Variants in ZP3 observed in about 807,000 individuals in gnomAD.
The protein encoded by ZP3 is zona pellucida sperm-binding protein 3.
ZP3 carries 21 observed loss-of-function variants against 35.6 expected under a neutral mutation model. That is an observed-to-expected ratio of 0.59 (90% CI 0.42 to 0.85). The LOEUF is 0.85. ZP3 is among the 40% of genes least tolerant of loss of function. The pLI is 0.00. For missense variants in ZP3, 437 were observed against 536.5 expected, an observed-to-expected ratio of 0.81 and a Z score of 1.83; for synonymous variants, 207 against 214.5, an observed-to-expected ratio of 0.96 and a Z score of 0.31.
At chr7:76,424,503 C>A (rs1030274689), upstream of ZP3, among the ~76,000 whole-genome samples, 3 of 152,150 alleles carry the variant, frequency 2.0e-5, no homozygotes, top group Non-Finnish European at 4.4e-5. Context: ...GTGGCGCATG[C>A]CTTCCTGTAA....
chr7:76,412,320 C>T (rs1485610610), intron 1 of ZP3, among the ~76,000 whole-genome samples: 3 of 152,022 alleles, frequency 2.0e-5, no homozygotes, highest in South Asian at 4.2e-4. Flanking sequence ...TGTATGATTC[C>T]GTTTATAAAA....
intron 5 of ZP3, among the ~76,000 whole-genome samples, chr7:76,437,470 C>CT (rs71521129): frequency 0.031 from 4,193 of 134,636 alleles, 2 homozygotes; most frequent in African/African-American, 0.033. Context: ...ACACTCCCCT[C>CT]TTTTTTTTTT....
chr7:76,432,839 T>A, intron 2 of ZP3, 88 bp from the exon 3 acceptor site: 1 of 1,115,436 alleles, frequency 9.0e-7, no homozygotes, highest in Non-Finnish European at 1.3e-6. Flanking sequence ...GACCCTGTAG[T>A]GGGGTAGCAG....
intron 5 of ZP3, among the ~76,000 whole-genome samples, chr7:76,438,072 C>G (rs1806078264): frequency 6.6e-6 from 1 of 152,254 alleles, no homozygotes; most frequent in Non-Finnish European, 1.5e-5. Context: ...GTGACTGAGG[C>G]TTGTGGCTCT....
intron 5 of ZP3, among the ~76,000 whole-genome samples, chr7:76,435,906 A>G (rs2115928397): frequency 6.6e-6 from 1 of 152,044 alleles, no homozygotes; most frequent in East Asian, 1.9e-4. Context: ...TGTATTTCTT[A>G]GTAGAGACAG....
chr7:76,433,421 C>T, intron 3 of ZP3, 49 bp from the exon 4 acceptor site: 3 of 1,577,246 alleles, frequency 1.9e-6, no homozygotes, highest in Non-Finnish European at 2.6e-6. Flanking sequence ...TCCCAAGGTG[C>T]TGGGATTACA....
In ZP3 at chr7:76,425,209, T is replaced by A. The variant is rs745345934; in HGVS notation, c.245T>A (p.Val82Asp). The change falls in exon 1 of 8, where the codon GTC becomes GAC. Residue 82 changes from valine to aspartate, a missense_variant. Physicochemically the swap from Val to Asp is radical, Grantham distance 152. Transcript: ENST00000394857. ...GGCCCAGAGGCCTGTGAGCCTCTGG[T>A]CTCCATGGACACAGAAGATGTGGTC... ...TLGPEACEPLVSMDTEDVVRF... is the reference protein window; with the variant it reads ...TLGPEACEPLDSMDTEDVVRF... 2.5e-6 allele frequency: 4 copies of A among 1,613,870 alleles called. No individual in the cohort carries two copies. The Admixed American group carries it at 6.7e-5, about 27-fold the overall frequency.
At chr7:76,398,697 G>C (rs1440264159) in intron 1 of ZP3, 1 of 1,611,296 alleles carries the variant, frequency 6.2e-7, no homozygotes, top group Non-Finnish European at 8.5e-7. Context: ...AACCCAGGTG[G>C]TGCCCACATT....
chr7:76,411,096 C>T (rs1805232467), intron 1 of ZP3, among the ~76,000 whole-genome samples: 1 of 152,084 alleles, frequency 6.6e-6, no homozygotes, highest in Middle Eastern at 3.4e-3. Flanking sequence ...ACCTGTCCTT[C>T]CTCCCTCCCT....
intron 5 of ZP3, among the ~76,000 whole-genome samples, chr7:76,438,094 T>C (rs1220824752): frequency 6.6e-6 from 1 of 152,266 alleles, no homozygotes; most frequent in Non-Finnish European, 1.5e-5. Context: ...AGGCTTCTGC[T>C]GGAAGGTGGC....
chr7:76,423,034 A>G (rs1805552980), upstream of ZP3, among the ~76,000 whole-genome samples: 1 of 115,784 alleles, frequency 8.6e-6, no homozygotes, highest in African/African-American at 3.2e-5. Context: ...AGAGAAAGAA[A>G]GAAAGAAAGA....
Position 76,425,199 on chromosome 7 carries a change from G to T in ZP3, c.235G>T (p.Glu79Ter). 6.2e-7 allele frequency: 1 copy of T among 1,614,024 alleles called. No homozygotes were observed. Among genetic ancestry groups the T allele is most frequent in the Non-Finnish European group, 8.5e-7 (1 of 1,180,030 alleles). ...CCTCACCTTGGGCCCAGAGGCCTGTGAGCCTCTGGTCTCCATGGACACAGA... is the reference window on the plus strand; with the variant it reads ...CCTCACCTTGGGCCCAGAGGCCTGTTAGCCTCTGGTCTCCATGGACACAGA... ...ADLTLGPEAC[E>*]PLVSMDTEDV... Residue 79 changes from glutamate (E) to a stop codon, truncating the protein, a stop_gained, in exon 1 of 8, where the codon GAG becomes TAG. Coordinates refer to ENST00000394857, the MANE Select transcript of ZP3 (RefSeq NM_001110354.2). LOFTEE classifies it high-confidence loss of function.
chr7:76,437,465 C>A (rs1806054046), intron 5 of ZP3, among the ~76,000 whole-genome samples: 1 of 149,094 alleles, frequency 6.7e-6, no homozygotes, highest in Non-Finnish European at 1.5e-5. Flanking sequence ...CTATCACACT[C>A]CCCTCTTTTT....
chr7:76,400,610 T>A, intron 1 of ZP3: 1 of 1,437,930 alleles, frequency 7.0e-7, no homozygotes, highest in Non-Finnish European at 9.1e-7. Context: ...AGGGTGGAGC[T>A]GGCACCAGGG....
At chr7:76,418,037 A>G (rs558496188) in intron 1 of ZP3, among the ~76,000 whole-genome samples, 1 of 150,622 alleles carries the variant, frequency 6.6e-6, no homozygotes, top group African/African-American at 2.5e-5. Flanking sequence ...TCCCGGGTTC[A>G]AGCGGGTCTC....
At chr7:76,408,802 C>A (rs1168684487) in intron 1 of ZP3, among the ~76,000 whole-genome samples, 4 of 152,164 alleles carry the variant, frequency 2.6e-5, no homozygotes, top group Admixed American at 2.0e-4. Context: ...GATTAGGGCT[C>A]TTGAAAGCCC....
intron 5 of ZP3, among the ~76,000 whole-genome samples, chr7:76,436,922 G>A (rs1368413069): frequency 6.6e-6 from 1 of 152,218 alleles, no homozygotes; most frequent in African/African-American, 2.4e-5. Flanking sequence ...GCTGTTTAAT[G>A]GAAGATAGTC....
chr7:76,435,797 TG>T (rs1350674472), intron 5 of ZP3, among the ~76,000 whole-genome samples: 1 of 151,770 alleles, frequency 6.6e-6, no homozygotes, highest in Non-Finnish European at 1.5e-5. Flanking sequence ...GGTGCGGTCT[TG>T]GCTCACTGCA....
chr7:76,429,342 C>A lies in ZP3; in HGVS notation c.313-173C>A. 9.6e-6 allele frequency: 6 copies of A among 623,972 alleles called. No individual in the cohort carries two copies. In the South Asian group the frequency reaches 1.1e-4, roughly 11 times the overall value. 38.7% of individuals were successfully genotyped at this position (623,972 alleles called of 1,614,324 possible). A position where few individuals can be genotyped will look rare whatever the true frequency, so the allele number is the denominator to read the frequency against. On this transcript the variant is annotated intron_variant, in intron 1 of 7. Transcript: ENST00000394857. ...CCAGTCTCAAACTCCTGGCCTCAAG[C>A]AATCCTTGGCCTCCCAAAGTGCTGG...
Sources: allele counts gnomAD v4.1 joint callset (sites outside exome capture counted in the v4.1 genomes callset), GRCh38; gene constraint gnomAD v4.1.1; transcripts MANE v1.5; gene names NCBI Gene and HGNC (gene_info 2026-07-23, HGNC 2026-07-21).